Variants in CTBP1 observed in about 807,000 individuals in gnomAD.
CTBP1 encodes the protein C-terminal binding protein 1.
A neutral mutation model predicts 42.1 loss-of-function variants in CTBP1; 11 were observed. The ratio of observed to expected loss-of-function variants is 0.26; its 90% CI spans 0.16 to 0.43. The LOEUF is 0.43. Ranked by LOEUF, CTBP1 falls within the 20% of genes least tolerant of loss-of-function variation. The pLI is 1.00. For missense variants in CTBP1, 399 were observed against 624.3 expected (o/e 0.64, Z 3.85); for synonymous variants, 324 against 277.1 (o/e 1.17, Z -1.68).
intron 1 of CTBP1, chr4:1,245,247 G>A: frequency 4.1e-6 from 4 of 985,466 alleles, no homozygotes; most frequent in South Asian, 9.4e-5. Flanking sequence ...ACACAGCGCA[G>A]GGGCTGTGAT....
intron 5 of CTBP1, among the ~76,000 whole-genome samples, chr4:1,223,883 G>A (rs999817940): frequency 6.6e-6 from 1 of 152,238 alleles, no homozygotes; most frequent in African/African-American, 2.4e-5. Flanking sequence ...TGGCTGTGTG[G>A]GGCCGGTTCA....
At chr4:1,214,949 C>T (rs995889596) in intron 6 of CTBP1, among the ~76,000 whole-genome samples, 4 of 152,268 alleles carry the variant, frequency 2.6e-5, no homozygotes, top group African/African-American at 9.6e-5. Context: ...GGAACAGGCT[C>T]GCTTTTCATG....
intron 1 of CTBP1, chr4:1,243,163 T>C: frequency 1.0e-6 from 1 of 985,454 alleles, no homozygotes; most frequent in Non-Finnish European, 1.2e-6. Flanking sequence ...CACAGCAGCA[T>C]GGCACCAGCC....
chr4:1,212,683 C>A, intron 9 of CTBP1: 1 of 611,090 alleles, frequency 1.6e-6, no homozygotes, highest in South Asian at 2.0e-5. Flanking sequence ...AGGCCCCGTG[C>A]CCATGGCACT....
chr4:1,239,781 C>T (rs1402601501), intron 2 of CTBP1, among the ~76,000 whole-genome samples: 1 of 152,224 alleles, frequency 6.6e-6, no homozygotes, highest in Admixed American at 6.5e-5. Flanking sequence ...CTGGCCATTC[C>T]ACCCACTTTC....
At chr4:1,243,999 T>C in intron 1 of CTBP1, 1 of 985,410 alleles carries the variant, frequency 1.0e-6, no homozygotes, top group Non-Finnish European at 1.2e-6. Flanking sequence ...TTCCTGTAAA[T>C]CTAAGACTGC....
rs888670884 is a variant in CTBP1 at position 1,216,265 on chromosome 4, C to G, written c.515-60G>C. 3.8e-5 allele frequency: 58 copies of G among 1,517,148 alleles called. No homozygotes were observed. In the East Asian group the frequency reaches 1.3e-3, roughly 34 times the overall value. 94.0% of individuals were successfully genotyped at this position (1,517,148 alleles called of 1,614,324 possible). ...TCACCCGTGGCCGGGAGGCCGGCCC[C>G]GAAAGCCAGGGTCGGAGTGGCCTCT... On this transcript the variant is annotated intron_variant, in intron 5 of 9. Coordinates refer to ENST00000382952, the MANE Select transcript of CTBP1 (RefSeq NM_001012614.2).
At chr4:1,246,974 T>A (rs546284563) in intron 1 of CTBP1, among the ~76,000 whole-genome samples, 9 of 152,290 alleles carry the variant, frequency 5.9e-5, no homozygotes, top group African/African-American at 2.2e-4. Flanking sequence ...CACCAGGACA[T>A]GGCAGGGGGC....
intron 1 of CTBP1, chr4:1,244,269 G>A: frequency 2.0e-6 from 2 of 985,256 alleles, no homozygotes; most frequent in Non-Finnish European, 2.4e-6. Context: ...GGTCTGGAGA[G>A]GGACCGGGTT....
At chr4:1,230,349 C>G (rs1286339635) in intron 3 of CTBP1, among the ~76,000 whole-genome samples, 2 of 152,330 alleles carry the variant, frequency 1.3e-5, no homozygotes, top group South Asian at 4.1e-4. Context: ...GGCGCCCACA[C>G]ACCAAGGAGG....
intron 1 of CTBP1, among the ~76,000 whole-genome samples, chr4:1,246,346 C>T (rs1732723236): frequency 6.6e-6 from 1 of 152,206 alleles, no homozygotes; most frequent in South Asian, 2.1e-4. Context: ...ACACTGCCTG[C>T]TGCCTCTACC....
intron 6 of CTBP1, chr4:1,215,578 C>A (rs1245694355): frequency 7.2e-6 from 2 of 278,170 alleles, no homozygotes; most frequent in Non-Finnish European, 1.4e-5. Context: ...TGAGCACAGC[C>A]CTTTCCAGCT....
At position 1,214,327 on chromosome 4, in the gene CTBP1, C is replaced by A; in HGVS notation, c.860+16G>T. 2.6e-6 allele frequency: 4 copies of A among 1,534,900 alleles called. No individual in the cohort carries two copies. The highest frequency in any genetic ancestry group is 2.5e-5 in the South Asian group (2 of 79,744). ...GACAGGGAAGAGCAGGGGGGCGGCA[C>A]TGGCCGTGGGGGCACCTGAAGGGTT... On this transcript the variant is annotated intron_variant, in intron 7 of 9. Coordinates refer to ENST00000382952, the MANE Select transcript of CTBP1 (RefSeq NM_001012614.2).
At chr4:1,249,682 A>G (rs1304819832), upstream of CTBP1, 1 of 420,018 alleles carries the variant, frequency 2.4e-6, no homozygotes, top group South Asian at 1.6e-5. Flanking sequence ...GGACCCCGAG[A>G]GGAGAAGCGC....
At chr4:1,224,271 G>A (rs1215678359) in intron 5 of CTBP1, among the ~76,000 whole-genome samples, 1 of 152,224 alleles carries the variant, frequency 6.6e-6, no homozygotes, top group African/African-American at 2.4e-5. Context: ...ATACCCGTGT[G>A]TGTGTGCTGT....
intron 5 of CTBP1, among the ~76,000 whole-genome samples, chr4:1,218,844 G>C (rs1475430833): frequency 6.6e-6 from 1 of 152,050 alleles, no homozygotes; most frequent in Non-Finnish European, 1.5e-5. Context: ...TTTAACACCT[G>C]ATTAATATAA....
In CTBP1 at chr4:1,236,302, G is replaced by A. The variant is rs1007433788; in HGVS notation, c.162+1881C>T. ...GACCAACCTAGTTCTCATCACGGAG[G>A]AGCCTGTGGGTCTCCTGAGCAAACA... On this transcript the variant is annotated intron_variant, in intron 3 of 9. Transcript: ENST00000382952. The A allele has an allele frequency of 1.1e-4, 37 of 344,788 alleles. No homozygotes were observed. In the Admixed American group the frequency reaches 1.4e-3, roughly 13 times the overall value. The allele number at this position is 344,788 out of a possible 1,614,324, so 21.4% of individuals were successfully genotyped here. A position where few individuals can be genotyped will look rare whatever the true frequency, so the allele number is the denominator to read the frequency against.
At chr4:1,242,374 G>A in intron 1 of CTBP1, 3 of 985,336 alleles carry the variant, frequency 3.0e-6, no homozygotes, top group African/African-American at 1.7e-5. Flanking sequence ...ACAGGAGCCG[G>A]CCACCACCAG....
intron 1 of CTBP1, chr4:1,248,688 G>C (rs1299355314): frequency 3.1e-6 from 3 of 981,808 alleles, no homozygotes; most frequent in Non-Finnish European, 2.4e-6. Context: ...GGGGAGAGCA[G>C]ACTGCGGCGC....
Sources: gnomAD v4.1 joint callset for allele counts (sites outside exome capture counted in the v4.1 genomes callset) on GRCh38, gnomAD v4.1.1 for gene constraint, MANE v1.5 for transcripts, NCBI Gene and HGNC (gene_info 2026-07-23, HGNC 2026-07-21) for gene names.